Variants in DUSP16 observed in about 807,000 individuals in gnomAD.
DUSP16 encodes dual specificity protein phosphatase 16.
Under a neutral mutation model 58.3 loss-of-function variants are expected in DUSP16, and 21 were observed. That is an observed-to-expected ratio of 0.36 (90% CI 0.26 to 0.52). The LOEUF (loss-of-function observed/expected upper bound fraction) is 0.52, where lower values mean the gene tolerates loss of function less well. DUSP16 is among the 20% of genes least tolerant of loss of function. DUSP16 has a pLI of 0.94. For synonymous variants in DUSP16, 320 were observed against 323.8 expected (o/e 0.99, Z 0.12); for missense variants, 726 against 819.0 (o/e 0.89, Z 1.39).
Position 12,536,778 on chromosome 12 carries a change from C to T in DUSP16, c.-365-15315G>A, listed in dbSNP as rs1944470458. On this transcript the variant is annotated intron_variant, in intron 1 of 6. Coordinates refer to ENST00000298573, the MANE Select transcript of DUSP16 (RefSeq NM_030640.3). ...AAAACGCCGATGCGGTGGCTCACAC[C>T]TGTAATCCCAACACTTTGGGAGGCC... Among the ~76,000 whole-genome samples the T allele has an allele frequency of 2.0e-5, 3 of 148,456 alleles. 1 individual carries two copies. The highest frequency in any genetic ancestry group is 2.0e-4 in the Admixed American group (3 of 14,982).
At chr12:12,522,138 C>T (rs926050815) in intron 1 of DUSP16, among the ~76,000 whole-genome samples, 3 of 152,226 alleles carry the variant, frequency 2.0e-5, no homozygotes, top group Non-Finnish European at 4.4e-5. Flanking sequence ...AGCTGCTGAG[C>T]TAGGCCTGTG....
intron 1 of DUSP16, among the ~76,000 whole-genome samples, chr12:12,531,738 G>A (rs1246395247): frequency 6.6e-6 from 1 of 152,076 alleles, no homozygotes; most frequent in Non-Finnish European, 1.5e-5. Context: ...AGATGTGGTG[G>A]CATGGGCCTG....
At chr12:12,491,205 G>A (rs953863724) in intron 4 of DUSP16, 1 of 150,790 alleles carries the variant, frequency 6.6e-6, no homozygotes. Flanking sequence ...ATGGCTGGGA[G>A]GGGATCTTAA....
intron 1 of DUSP16, among the ~76,000 whole-genome samples, chr12:12,548,726 C>CT (rs1360732484): frequency 6.6e-6 from 1 of 151,880 alleles, no homozygotes; most frequent in East Asian, 1.9e-4. Flanking sequence ...TCCTCCCAAC[C>CT]TTTAATAATC....
intron 1 of DUSP16, among the ~76,000 whole-genome samples, chr12:12,548,637 AAAAAAAAAAAGAAAAAGAAAAAG>A (rs1944682863): frequency 1.4e-5 from 2 of 144,550 alleles, no homozygotes; most frequent in African/African-American, 5.0e-5. Context: ...TCTCAAAAAA[AAAAAAAAAAAGAAAAAGAAAAAG>A]AAAAAGAAAA....
intron 1 of DUSP16, among the ~76,000 whole-genome samples, chr12:12,536,135 A>T (rs1026714933): frequency 1.1e-4 from 16 of 152,220 alleles, no homozygotes; most frequent in Non-Finnish European, 2.2e-4. Flanking sequence ...TTAGTTGCCT[A>T]TGGATGCGCT....
chr12:12,561,988 C>A (rs1033550147), intron 1 of DUSP16, 129 bp downstream of exon 1: 3 of 150,174 alleles, frequency 2.0e-5, no homozygotes, highest in Non-Finnish European at 3.0e-5. Flanking sequence ...GACGGCGGGG[C>A]TGGAGCGCGG....
chr12:12,521,522 G>T, intron 1 of DUSP16, 59 bp from the exon 2 acceptor site: 1 of 773,534 alleles, frequency 1.3e-6, no homozygotes, highest in Non-Finnish European at 1.6e-6. Flanking sequence ...AAGAAAGAGT[G>T]TCAGATTAGA....
intron 1 of DUSP16, among the ~76,000 whole-genome samples, chr12:12,532,726 T>C (rs1944408913): frequency 6.6e-6 from 1 of 152,076 alleles, no homozygotes; most frequent in Non-Finnish European, 1.5e-5. Context: ...GGCGGGCAGA[T>C]CACCTGAGGT....
chr12:12,487,662 CGTGT>C (rs146020241), intron 4 of DUSP16, among the ~76,000 whole-genome samples: 8 of 151,854 alleles, frequency 5.3e-5, no homozygotes, highest in Admixed American at 3.9e-4. Flanking sequence ...ATGCTGATGG[CGTGT>C]GTGTGTGTGT....
intron 3 of DUSP16, among the ~76,000 whole-genome samples, chr12:12,518,874 C>A (rs944170907): frequency 2.0e-5 from 3 of 152,172 alleles, no homozygotes; most frequent in African/African-American, 7.2e-5. Flanking sequence ...TCTTAGAGAA[C>A]TGAGGAAAAG....
chr12:12,498,860 G>C (rs763840839), intron 4 of DUSP16, among the ~76,000 whole-genome samples: 3 of 152,128 alleles, frequency 2.0e-5, no homozygotes, highest in Non-Finnish European at 4.4e-5. Context: ...TGCCCAAGGT[G>C]TTGTCCTATA....
chr12:12,478,826 A>T (rs1943508358), intron 6 of DUSP16, among the ~76,000 whole-genome samples: 1 of 152,242 alleles, frequency 6.6e-6, no homozygotes, highest in African/African-American at 2.4e-5. Context: ...GTATCAGATG[A>T]TCAAAGTATC....
intron 1 of DUSP16, among the ~76,000 whole-genome samples, chr12:12,559,938 C>T (rs965819857): frequency 6.6e-6 from 1 of 152,128 alleles, no homozygotes; most frequent in South Asian, 2.1e-4. Context: ...GGAAAAGAAC[C>T]GGGGTAACAG....
intron 5 of DUSP16, 75 bp downstream of exon 5, chr12:12,486,953 A>C (rs1943693705): frequency 1.3e-6 from 2 of 1,546,566 alleles, no homozygotes; most frequent in Non-Finnish European, 1.8e-6. Flanking sequence ...TAAAGAAAAA[A>C]TGGGGGGCTG....
intron 5 of DUSP16, chr12:12,485,205 T>G (rs1381060152): frequency 6.6e-6 from 1 of 150,812 alleles, no homozygotes; most frequent in Non-Finnish European, 1.5e-5. Context: ...AGGTGGGGTT[T>G]CACTATATGT....
chr12:12,527,811 G>A (rs1469937910), intron 1 of DUSP16, among the ~76,000 whole-genome samples: 6 of 152,094 alleles, frequency 3.9e-5, no homozygotes, highest in Admixed American at 6.6e-5. Flanking sequence ...GCAGTTATCC[G>A]CACCGTAGAA....
At chr12:12,489,401 G>A (rs10845558) in intron 4 of DUSP16, among the ~76,000 whole-genome samples, 1 of 152,120 alleles carries the variant, frequency 6.6e-6, no homozygotes, top group African/African-American at 2.4e-5. Context: ...CAACAACAGG[G>A]TGCAGAAACT....
At chr12:12,532,128 G>A (rs1391913291) in intron 1 of DUSP16, among the ~76,000 whole-genome samples, 5 of 152,098 alleles carry the variant, frequency 3.3e-5, no homozygotes, top group South Asian at 2.1e-4. Context: ...ACTGCAGTCC[G>A]CAGTCCGGCC....
Sources: allele counts gnomAD v4.1 joint callset (sites outside exome capture counted in the v4.1 genomes callset), GRCh38; gene constraint gnomAD v4.1.1; transcripts MANE v1.5; gene names NCBI Gene and HGNC (gene_info 2026-07-23, HGNC 2026-07-21).